ARHGAP4: variants seen among roughly 807,000 people sequenced by gnomAD.
The protein encoded by ARHGAP4 is rho GTPase-activating protein 4.
ARHGAP4 carries 25 observed loss-of-function variants against 67.6 expected under a neutral mutation model. That is an observed-to-expected ratio of 0.37 (90% CI 0.27 to 0.52). The LOEUF is 0.52. ARHGAP4 is among the 20% of genes least tolerant of loss of function. The pLI is 0.92. For synonymous variants in ARHGAP4, 448 were observed against 373.7 expected (o/e 1.20, Z -2.29); for missense variants, 804 against 854.6 (o/e 0.94, Z 0.74).
intron 5 of ARHGAP4, chrX:153,919,769 A>C: frequency 1.1e-6 from 1 of 945,599 alleles, no homozygotes; most frequent in East Asian, 3.7e-5. Context: ...TGGGTTCTAA[A>C]ACTGGCACTC....
chrX:153,908,975 G>T, intron 21 of ARHGAP4, 95 bp downstream of exon 21: 2 of 948,103 alleles, frequency 2.1e-6, no homozygotes, highest in South Asian at 4.0e-5. Flanking sequence ...GGAGGGCAAC[G>T]ACTGGAACCT....
chrX:153,923,394 G>A (rs1408802770), intron 1 of ARHGAP4, among the ~76,000 whole-genome samples: 2 of 111,890 alleles, frequency 1.8e-5, no homozygotes, highest in African/African-American at 6.5e-5. Flanking sequence ...ATCTCCTATT[G>A]GAGAATGTCC....
chrX:153,912,341 C>G (rs781958074), intron 12 of ARHGAP4, among the ~76,000 whole-genome samples: 8 of 111,585 alleles, frequency 7.2e-5, no homozygotes, highest in Non-Finnish European at 1.3e-4. Context: ...GCTTTCTGAT[C>G]TCAGTATTAG....
rs782239592 is a variant in ARHGAP4, at chrX:153,926,122, C to T, written c.67+14G>A. The T allele has an allele frequency of 3.3e-6, 4 of 1,201,715 alleles. No homozygotes were observed. Among genetic ancestry groups the T allele is most frequent in the Non-Finnish European group, 4.5e-6 (4 of 890,677 alleles). On this transcript the variant is annotated intron_variant, in intron 1 of 21. Transcript: ENST00000350060. ...CCGCAGGAAACGGGCCGGGAGCGCC[C>T]GGCGCCCTCTCACCTTTGACTTGCG...
At chrX:153,910,877 A>T in intron 14 of ARHGAP4, 43 bp from the exon 15 acceptor site, 1 of 1,174,169 alleles carries the variant, frequency 8.5e-7, no homozygotes, top group Non-Finnish European at 1.1e-6. Flanking sequence ...GAAGCTGGTG[A>T]CATCTGCCCG....
chrX:153,909,617 G>A, intron 19 of ARHGAP4, 82 bp from the exon 20 acceptor site: 1 of 1,106,477 alleles, frequency 9.0e-7, no homozygotes, highest in South Asian at 2.1e-5. Flanking sequence ...CCAGCCAGGA[G>A]TGGTCAGAGA....
At position 153,910,700 on chromosome X, in the gene ARHGAP4, C is replaced by G; in HGVS notation, c.1816G>C (p.Glu606Gln). The stretch of plus-strand genomic sequence containing the variant: ...CGCCAGCCTCAGGCCCCAGCCTCAC[C>G]CGAAGAAGCCAGCAGCTCGCCGAAC... ...DLFGELLASS[E>Q]LEATAERVEH... The change falls in exon 15 of 22, where the codon GAG becomes CAG. Residue 606 changes from glutamate (E) to glutamine (Q), a missense_variant and splice_region_variant. This residue lies in a region of ARHGAP4 where 400 missense variants were observed against 348.7 expected (regional missense o/e 1.15). Transcript: ENST00000350060. The G allele has an allele frequency of 2.5e-6, 3 of 1,193,829 alleles. No individual in the cohort carries two copies. The highest frequency in any genetic ancestry group is 3.4e-6 in the Non-Finnish European group (3 of 886,171).
chrX:153,909,436 T>C lies in ARHGAP4; in HGVS notation c.2507+7A>G. On this transcript the variant is annotated splice_region_variant and intron_variant, in intron 20 of 21. Coordinates refer to ENST00000350060, the MANE Select transcript of ARHGAP4 (RefSeq NM_001666.5). ...TGTGGCCCCCTGAGCCCCGTCTTCT[T>C]GCTCACCGGTGGACCAGCTCCGATG... is the stretch of plus-strand genomic sequence containing the variant. 8.4e-7 allele frequency: 1 copy of C among 1,186,371 alleles called. No homozygotes were observed. The highest frequency in any genetic ancestry group is 1.9e-5 in the South Asian group (1 of 53,108).
chrX:153,909,854 G>A lies in ARHGAP4; in HGVS notation c.2301C>T (p.Phe767=), dbSNP rs782402595. The change falls in exon 19 of 22, where the codon TTC becomes TTT. Residue 767 remains phenylalanine (F), a synonymous_variant. Transcript: ENST00000350060. ...YTGRTAQELS[F]RRGDVLRLHE... is the part of the protein sequence containing the mutation. ...GCAGCCGCAGTACGTCCCCCCGCCG[G>A]AAGCTCAGCTCCTGGGCTGTGCGGC... The A allele has an allele frequency of 1.5e-5, 18 of 1,202,716 alleles. No individual in the cohort carries two copies. In the South Asian group the frequency reaches 2.0e-4, roughly 13 times the overall value.
Position 153,919,458 on chromosome X carries a change from G to C in ARHGAP4, c.682-175C>G, listed in dbSNP as rs992451880. 3.5e-5 allele frequency: 39 copies of C among 1,105,954 alleles called. No individual in the cohort carries two copies. In the African/African-American group the frequency reaches 6.2e-4, roughly 18 times the overall value. 91.1% of individuals were successfully genotyped at this position (1,105,954 alleles called of 1,213,427 possible). ...CACAGTCCACAGTGTGCTCAGCCCAGTGCCAGGAGGTGACTTGATTCCCCG... is the reference window on the plus strand; with the variant it reads ...CACAGTCCACAGTGTGCTCAGCCCACTGCCAGGAGGTGACTTGATTCCCCG... On this transcript the variant is annotated intron_variant, in intron 5 of 21. Coordinates refer to ENST00000350060, the MANE Select transcript of ARHGAP4 (RefSeq NM_001666.5).
chrX:153,923,902 C>T (rs1217385442), intron 1 of ARHGAP4, among the ~76,000 whole-genome samples: 1 of 111,384 alleles, frequency 9.0e-6, no homozygotes, highest in Non-Finnish European at 1.9e-5. Context: ...CTCAGCCTCC[C>T]GAGTAGCTGG....
chrX:153,912,746 T>G lies in ARHGAP4; in HGVS notation c.1496A>C (p.Gln499Pro). 1 of 1,211,923 alleles carries G rather than the reference T, an allele frequency of 8.3e-7. No individual in the cohort carries two copies. Among genetic ancestry groups the G allele is most frequent in the Non-Finnish European group, 1.1e-6 (1 of 895,380 alleles). The change falls in exon 12 of 22, where the codon CAG becomes CCG. Residue 499 changes from glutamine (Q) to proline (P), a missense_variant. Transcript: ENST00000350060. ...QKSRQPRPSS[Q>P]YNQRLFGGDM... ...TCCCCCAAAGAGTCTCTGGTTATACTGGGAGCTGGGGCGGGGCTGGCGGCT... is the reference window on the plus strand; with the variant it reads ...TCCCCCAAAGAGTCTCTGGTTATACGGGGAGCTGGGGCGGGGCTGGCGGCT...
At chrX:153,911,064 C>A in intron 13 of ARHGAP4, 65 bp from the exon 14 acceptor site, 2 of 1,164,343 alleles carry the variant, frequency 1.7e-6, no homozygotes, top group Non-Finnish European at 2.3e-6. Context: ...GATGGCCTCC[C>A]ATGCCAGGTG....
At chrX:153,922,291 A>G (rs1158493466) in intron 1 of ARHGAP4, 2 of 763,502 alleles carry the variant, frequency 2.6e-6, no homozygotes, top group African/African-American at 4.6e-5. Flanking sequence ...GCAAGCCTGC[A>G]GCGATCTCGC....
At chrX:153,910,651 G>C (rs782717068) in intron 15 of ARHGAP4, 40 bp from the exon 16 acceptor site, 4 of 1,184,563 alleles carry the variant, frequency 3.4e-6, no homozygotes, top group Non-Finnish European at 4.5e-6. Context: ...CGTGAGCGGG[G>C]CTGCCCCAGC....
At chrX:153,908,203 C>T (rs1307427786) in intron 21 of ARHGAP4, among the ~76,000 whole-genome samples, 1 of 111,918 alleles carries the variant, frequency 8.9e-6, no homozygotes, top group Non-Finnish European at 1.9e-5. Flanking sequence ...TGGGGACCCC[C>T]CTCTTCTCGC....
chrX:153,925,255 G>T (rs57510144), intron 1 of ARHGAP4, among the ~76,000 whole-genome samples: 1 of 111,893 alleles, frequency 8.9e-6, no homozygotes, highest in African/African-American at 3.3e-5. Flanking sequence ...ACTGAATAAT[G>T]ATGTTAGAAC....
chrX:153,925,750 C>T (rs1315582957), intron 1 of ARHGAP4, among the ~76,000 whole-genome samples: 1 of 112,165 alleles, frequency 8.9e-6, no homozygotes, highest in East Asian at 2.8e-4. Context: ...CACCCGGACT[C>T]CCTTACTCAC....
At position 153,909,127 on chromosome X, in the gene ARHGAP4, T is replaced by C. The variant is rs782325624; in HGVS notation, c.2550A>G (p.Gly850=). Residue 850 remains glycine, a synonymous_variant, in exon 21 of 22, where the codon GGA becomes GGG. Transcript: ENST00000350060. ...CTGGGACCAAGCAGCGTCGTCTGTGTCCAGAGGGTCCCATGGCCTCAGGTG... is the reference window on the plus strand; with the variant it reads ...CTGGGACCAAGCAGCGTCGTCTGTGCCCAGAGGGTCCCATGGCCTCAGGTG... ...CTSPEAMGPS[G]HRRRCLVPAS... is the part of the protein sequence containing the mutation. 2.2e-5 allele frequency: 27 copies of C among 1,209,974 alleles called. No individual in the cohort carries two copies. Among genetic ancestry groups the C allele is most frequent in the Non-Finnish European group, 3.0e-5 (27 of 895,143 alleles).
Sources: allele counts gnomAD v4.1 joint callset (sites outside exome capture counted in the v4.1 genomes callset), GRCh38; gene constraint gnomAD v4.1.1; regional missense constraint gnomAD v4.1.1; transcripts MANE v1.5; gene names NCBI Gene and HGNC (gene_info 2026-07-23, HGNC 2026-07-21).